SNTG1: variants seen among roughly 807,000 people sequenced by gnomAD.
SNTG1 encodes syntrophin gamma 1.
A neutral mutation model predicts 74.7 loss-of-function variants in SNTG1; 39 were observed. That is an observed-to-expected ratio of 0.52 (90% CI 0.40 to 0.68). The LOEUF is 0.68. Among genes scored for constraint, SNTG1 ranks in the 30% least tolerant of loss-of-function variants. The pLI, the probability that SNTG1 is intolerant of heterozygous loss-of-function variation, is 0.00. For missense variants in SNTG1, 685 were observed against 609.5 expected, an observed-to-expected ratio of 1.12 and a Z score of -1.30; for synonymous variants, 254 against 217.1, an observed-to-expected ratio of 1.17 and a Z score of -1.49.
At chr8:50,134,160 A>T (rs1463773719) in intron 1 of SNTG1, among the ~76,000 whole-genome samples, 1 of 152,172 alleles carries the variant, frequency 6.6e-6, no homozygotes, top group Non-Finnish European at 1.5e-5. Context: ...TGGTGGGTTA[A>T]TATCAGTGTT....
chr8:50,213,881 C>T (rs1031645380), intron 2 of SNTG1, among the ~76,000 whole-genome samples: 2 of 151,450 alleles, frequency 1.3e-5, no homozygotes, highest in East Asian at 3.9e-4. Context: ...TTGTAGGTTG[C>T]CTGTTCACTC....
intron 1 of SNTG1, among the ~76,000 whole-genome samples, chr8:50,079,838 G>T (rs1822241566): frequency 1.3e-5 from 2 of 152,110 alleles, no homozygotes; most frequent in Non-Finnish European, 2.9e-5. Context: ...CCCATTGCTT[G>T]TTGAAGATCA....
intron 1 of SNTG1, among the ~76,000 whole-genome samples, chr8:49,939,262 T>C (rs1281273108): frequency 2.0e-5 from 3 of 152,240 alleles, no homozygotes; most frequent in Non-Finnish European, 4.4e-5. Flanking sequence ...TGTTGGCAAC[T>C]AAATTTGTAT....
intron 4 of SNTG1, among the ~76,000 whole-genome samples, chr8:50,423,676 C>A (rs190504352): frequency 6.6e-6 from 1 of 152,198 alleles, no homozygotes; most frequent in African/African-American, 2.4e-5. Flanking sequence ...TCAAATAAAT[C>A]AGTAAATTAA....
At chr8:50,381,701 T>TTATA (rs566460561) in intron 2 of SNTG1, among the ~76,000 whole-genome samples, 4 of 136,298 alleles carry the variant, frequency 2.9e-5, no homozygotes, top group African/African-American at 1.1e-4. Context: ...ATCCTATTAG[T>TTATA]TATATATATA....
At chr8:50,705,163 A>G (rs1418228692) in intron 16 of SNTG1, among the ~76,000 whole-genome samples, 1 of 152,146 alleles carries the variant, frequency 6.6e-6, no homozygotes, top group African/African-American at 2.4e-5. Flanking sequence ...CTTCAAAGCC[A>G]CACAGAGTTT....
chr8:50,300,215 C>A (rs570893659), intron 2 of SNTG1, among the ~76,000 whole-genome samples: 1 of 152,050 alleles, frequency 6.6e-6, no homozygotes, highest in African/African-American at 2.4e-5. Context: ...AAGAGTATTA[C>A]GAAACAGTTG....
intron 1 of SNTG1, among the ~76,000 whole-genome samples, chr8:49,949,566 T>C (rs996102479): frequency 2.0e-5 from 3 of 152,222 alleles, no homozygotes; most frequent in Non-Finnish European, 4.4e-5. Context: ...TGTAGCTCAT[T>C]GTAAGAAACA....
At chr8:50,516,434 T>C (rs1295288089) in intron 9 of SNTG1, among the ~76,000 whole-genome samples, 1 of 152,246 alleles carries the variant, frequency 6.6e-6, no homozygotes, top group African/African-American at 2.4e-5. Context: ...CAAAACTGGA[T>C]GGAGAATGAG....
intron 8 of SNTG1, among the ~76,000 whole-genome samples, chr8:50,482,569 T>C (rs2093749796): frequency 6.6e-6 from 1 of 152,128 alleles, no homozygotes. Context: ...CCCATTTCAA[T>C]CTTAGGTCTG....
intron 8 of SNTG1, among the ~76,000 whole-genome samples, chr8:50,469,736 T>C (rs955194738): frequency 1.8e-4 from 28 of 152,172 alleles, no homozygotes; most frequent in Non-Finnish European, 4.4e-5. Context: ...CCCAGCACTT[T>C]AGGAGGCCAA....
chr8:50,418,049 C>G (rs977105602), intron 4 of SNTG1, among the ~76,000 whole-genome samples: 2 of 152,064 alleles, frequency 1.3e-5, no homozygotes, highest in Admixed American at 1.3e-4. Context: ...TATAATTTCC[C>G]CTTCTTCAAA....
intron 1 of SNTG1, among the ~76,000 whole-genome samples, chr8:50,090,211 C>T (rs2079667931): frequency 1.3e-5 from 2 of 152,138 alleles, no homozygotes; most frequent in Non-Finnish European, 2.9e-5. Context: ...ATTACTCAGG[C>T]TGTTTCACTT....
chr8:50,697,660 T>TA (rs1373958947), intron 15 of SNTG1, among the ~76,000 whole-genome samples: 2 of 152,150 alleles, frequency 1.3e-5, no homozygotes, highest in East Asian at 1.9e-4. Flanking sequence ...TGTTGAATTT[T>TA]AAAAAATTCT....
At chr8:50,482,415 G>A (rs2093748359) in intron 8 of SNTG1, among the ~76,000 whole-genome samples, 1 of 152,140 alleles carries the variant, frequency 6.6e-6, no homozygotes, top group Non-Finnish European at 1.5e-5. Flanking sequence ...GCTTTGCAAA[G>A]GAAATGTTTG....
chr8:50,644,525 A>T (rs1372376797), intron 13 of SNTG1: 1 of 152,216 alleles, frequency 6.6e-6, no homozygotes, highest in African/African-American at 2.4e-5. Context: ...GTAAGAATAC[A>T]GTATATATTA....
At chr8:50,660,305 AAG>A (rs1418300691) in intron 15 of SNTG1, among the ~76,000 whole-genome samples, 3 of 150,276 alleles carry the variant, frequency 2.0e-5, no homozygotes. Context: ...AAGAGAAAGA[AAG>A]AGAGACAGTA....
At chr8:49,939,174 T>A (rs977183732) in intron 1 of SNTG1, among the ~76,000 whole-genome samples, 4 of 152,200 alleles carry the variant, frequency 2.6e-5, no homozygotes, top group Non-Finnish European at 4.4e-5. Flanking sequence ...TGTTAAAATT[T>A]CTGTTCTCTA....
At position 50,350,874 on chromosome 8, in the gene SNTG1, G is replaced by T. The variant is rs572125409; in HGVS notation, c.-27-43338G>T. On this transcript the variant is annotated intron_variant, in intron 2 of 18. Transcript: ENST00000642720. ...TAAAATGGACCAATCAGCAGGATGT[G>T]GGTGGGGCCAGATAAGAGAATGAAA... Among the ~76,000 whole-genome samples, 11 of 152,326 alleles carry T rather than the reference G, an allele frequency of 7.2e-5. No homozygotes were observed. In the South Asian group the frequency reaches 2.3e-3, roughly 32 times the overall value.
Sources: gnomAD v4.1 joint callset for allele counts (sites outside exome capture counted in the v4.1 genomes callset) on GRCh38, gnomAD v4.1.1 for gene constraint, MANE v1.5 for transcripts, NCBI Gene and HGNC (gene_info 2026-07-23, HGNC 2026-07-21) for gene names.